The following APBA2 variants were observed in gnomAD, a reference collection of about 807,000 sequenced individuals.
The protein encoded by APBA2 is amyloid-beta A4 precursor protein-binding family A member 2.
Under a neutral mutation model 75.0 loss-of-function variants are expected in APBA2, and 30 were observed. That is an observed-to-expected ratio of 0.40 (90% confidence interval 0.30 to 0.54). APBA2 has a LOEUF of 0.54. Among genes scored for constraint, APBA2 ranks in the 20% least tolerant of loss-of-function variants. The probability of loss-of-function intolerance (pLI) is 0.49; values close to 1 mark genes in which losing one functional copy is unlikely to be tolerated. For missense variants in APBA2, 801 were observed against 1,016.1 expected, an observed-to-expected ratio of 0.79 and a Z score of 2.88; for synonymous variants, 444 against 409.6, an observed-to-expected ratio of 1.08 and a Z score of -1.01.
At chr15:28,904,836 G>T (rs1299881650) in intron 1 of APBA2, among the ~76,000 whole-genome samples, 1 of 152,146 alleles carries the variant, frequency 6.6e-6, no homozygotes, top group East Asian at 1.9e-4. Context: ...GAATTTTAGA[G>T]ACTTCCCATG....
intron 6 of APBA2, among the ~76,000 whole-genome samples, chr15:29,082,696 G>A (rs1276143953): frequency 6.6e-6 from 1 of 152,070 alleles, no homozygotes; most frequent in African/African-American, 2.4e-5. Flanking sequence ...AAATATATCA[G>A]TCTTTTTCCT....
intron 6 of APBA2, among the ~76,000 whole-genome samples, chr15:29,084,296 A>G (rs1036816442): frequency 6.6e-6 from 1 of 152,196 alleles, no homozygotes; most frequent in African/African-American, 2.4e-5. Flanking sequence ...GATTGGGTAG[A>G]ACAGAAGGAA....
At chr15:29,076,238 A>G in intron 6 of APBA2, 147 bp downstream of exon 6, 2 of 896,534 alleles carry the variant, frequency 2.2e-6, no homozygotes, top group Non-Finnish European at 3.7e-6. Flanking sequence ...GTCTGTTTGA[A>G]CACTGTGTAG....
chr15:28,928,142 TAAA>T (rs71132859), intron 2 of APBA2, among the ~76,000 whole-genome samples: 2 of 131,424 alleles, frequency 1.5e-5, no homozygotes, highest in Non-Finnish European at 1.6e-5. Context: ...AGACTCCATC[TAAA>T]AAAAAAAAAA....
intron 3 of APBA2, among the ~76,000 whole-genome samples, chr15:29,036,319 T>C (rs995344834): frequency 6.6e-6 from 1 of 152,196 alleles, no homozygotes; most frequent in Non-Finnish European, 1.5e-5. Context: ...TGTTGCTTAG[T>C]AGACAAATGT....
Position 29,046,297 on chromosome 15 carries a change from C to T in APBA2, c.-40-7548C>T, listed in dbSNP as rs1462130218. Among the ~76,000 whole-genome samples, 1 of 152,180 alleles carries T rather than the reference C, an allele frequency of 6.6e-6. No homozygotes were observed. Among genetic ancestry groups the T allele is most frequent in the Non-Finnish European group, 1.5e-5 (1 of 68,038 alleles). On this transcript the variant is annotated intron_variant, in intron 3 of 14. Transcript: ENST00000683413. The surrounding 1 kb of genome is among the most constrained non-coding windows in gnomAD (Gnocchi z 5.0). ...CCACTTGTTTCTACCTACGTTTTTGCCCACCTTTCCTTCTCACCTCCCCTT... is the reference window on the plus strand; with the variant it reads ...CCACTTGTTTCTACCTACGTTTTTGTCCACCTTTCCTTCTCACCTCCCCTT...
At position 28,944,228 on chromosome 15, in the gene APBA2, A is replaced by G. The variant is rs111416703; in HGVS notation, c.-95+22479A>G. 5.1e-3 allele frequency among the ~76,000 whole-genome samples: 778 copies of G among 152,312 alleles called. 8 individuals carry two copies. Among genetic ancestry groups the G allele is most frequent in the African/African-American group, 0.018 (741 of 41,560 alleles). On this transcript the variant is annotated intron_variant, in intron 2 of 14. Transcript: ENST00000683413. ...AAAAGAACATGAATTGCGGTCACCC[A>G]GAGCTCTTTCGCGGTTTGGGATTAA... is the stretch of plus-strand genomic sequence containing the variant.
intron 1 of APBA2, among the ~76,000 whole-genome samples, chr15:28,891,810 A>G (rs1439741186): frequency 1.3e-5 from 2 of 152,204 alleles, no homozygotes; most frequent in African/African-American, 2.4e-5. Context: ...CATGCGTCAC[A>G]TGACAGTGTT....
intron 3 of APBA2, among the ~76,000 whole-genome samples, chr15:29,009,076 A>G (rs1364812816): frequency 6.6e-6 from 1 of 152,206 alleles, no homozygotes; most frequent in Non-Finnish European, 1.5e-5. Flanking sequence ...AGTGCACCAA[A>G]GTATCCTACT....
chr15:28,941,506 A>G, intron 2 of APBA2, among the ~76,000 whole-genome samples: 1 of 150,068 alleles, frequency 6.7e-6, no homozygotes, highest in South Asian at 2.1e-4. Context: ...GGGAGGCAAA[A>G]AAAAAAAAAA....
At chr15:29,066,694 T>G (rs1401281172) in intron 4 of APBA2, among the ~76,000 whole-genome samples, 2 of 152,110 alleles carry the variant, frequency 1.3e-5, no homozygotes, top group Non-Finnish European at 2.9e-5. Context: ...TAAAAATGGT[T>G]AAGATGGTAA....
At chr15:29,114,137 C>A in intron 14 of APBA2, 121 bp downstream of exon 14, 3 of 1,416,162 alleles carry the variant, frequency 2.1e-6, no homozygotes, top group Non-Finnish European at 3.0e-6. Flanking sequence ...GGCTGTGTCT[C>A]CCATCGGGGC....
chr15:28,911,305 C>T (rs146952509), intron 1 of APBA2, among the ~76,000 whole-genome samples: 3 of 152,256 alleles, frequency 2.0e-5, no homozygotes, highest in Non-Finnish European at 4.4e-5. Context: ...AAGATGACAG[C>T]GGTTAGGTCT....
chr15:28,998,334 A>C (rs1406272693), intron 3 of APBA2, among the ~76,000 whole-genome samples: 1 of 152,124 alleles, frequency 6.6e-6, no homozygotes, highest in Admixed American at 6.5e-5. Context: ...AGGAACACAG[A>C]AAAGATTAAT....
chr15:28,950,124 A>G (rs1018510557), intron 2 of APBA2, among the ~76,000 whole-genome samples: 3 of 152,178 alleles, frequency 2.0e-5, no homozygotes, highest in African/African-American at 4.8e-5. Context: ...TCAAGAGTAC[A>G]GGTCTTTGTG....
chr15:28,996,411 C>T (rs935211470), intron 3 of APBA2, among the ~76,000 whole-genome samples: 3 of 152,048 alleles, frequency 2.0e-5, no homozygotes, highest in African/African-American at 7.2e-5. Context: ...GTATTGCAGC[C>T]CTGAAGACAC....
chr15:29,054,551 G>A lies in APBA2; in HGVS notation c.667G>A (p.Glu223Lys), dbSNP rs992279611. 1.2e-6 allele frequency: 2 copies of A among 1,613,636 alleles called. No individual in the cohort carries two copies. Among genetic ancestry groups the A allele is most frequent in the African/African-American group, 2.7e-5 (2 of 74,958 alleles). Residue 223 changes from glutamate to lysine, a missense_variant, in exon 4 of 15, where the codon GAG (glutamate) becomes AAG (lysine). This residue lies in a region of APBA2 where 434 missense variants were observed against 471.6 expected (regional missense o/e 0.92). Coordinates refer to ENST00000683413, the MANE Select transcript of APBA2 (RefSeq NM_001353788.2). This position sits in a 1 kb window ranked among gnomAD's most constrained non-coding sequence, Gnocchi z 6.1. ...TGGGGATGGGGACCTGGAGGACCAG[G>A]AGGAGGACATTGACCAGATCGTGGC... is the stretch of plus-strand genomic sequence containing the variant. ...RRGDGDLEDQ[E>K]EDIDQIVAEI...
chr15:28,909,292 C>T (rs2033307312), intron 1 of APBA2, among the ~76,000 whole-genome samples: 1 of 152,154 alleles, frequency 6.6e-6, no homozygotes, highest in Non-Finnish European at 1.5e-5. Context: ...GCCCAGCAAC[C>T]ACCATTCTAC....
intron 6 of APBA2, among the ~76,000 whole-genome samples, chr15:29,076,573 G>A (rs936288225): frequency 1.3e-5 from 2 of 151,910 alleles, no homozygotes; most frequent in African/African-American, 4.8e-5. Context: ...TCACTCTTGG[G>A]GATGGGGAGC....
Sources: gnomAD v4.1 joint callset for allele counts (sites outside exome capture counted in the v4.1 genomes callset) on GRCh38, gnomAD v4.1.1 for gene constraint, gnomAD v4.1.1 regional missense constraint, Gnocchi (gnomAD v3.1) non-coding constraint, MANE v1.5 for transcripts, NCBI Gene and HGNC (gene_info 2026-07-23, HGNC 2026-07-21) for gene names.